Variants in FNIP1 observed in about 807,000 individuals in gnomAD.
FNIP1 encodes folliculin interacting protein 1.
Under a neutral mutation model 124.5 loss-of-function variants are expected in FNIP1, and 40 were observed. That is an observed-to-expected ratio of 0.32 (90% CI 0.25 to 0.42). The LOEUF (loss-of-function observed/expected upper bound fraction) is 0.42. Among genes scored for constraint, FNIP1 ranks in the 10% least tolerant of loss-of-function variants. The pLI is 1.00. For synonymous variants in FNIP1, 472 were observed against 470.6 expected (o/e 1.00, Z -0.04); for missense variants, 1,176 against 1,403.7 (o/e 0.84, Z 2.59).
chr5:131,691,770 A>AGAAATAGATTAACTTGAT (rs1768488155), intron 11 of FNIP1, among the ~76,000 whole-genome samples: 1 of 152,216 alleles, frequency 6.6e-6, no homozygotes, highest in Non-Finnish European at 1.5e-5. Context: ...TCACATAAGG[A>AGAAATAGATTAACTTGAT]GAAATAGATT....
chr5:131,669,044 AAAAACT>A (rs1472263258), intron 15 of FNIP1, among the ~76,000 whole-genome samples: 2 of 152,236 alleles, frequency 1.3e-5, no homozygotes, highest in Admixed American at 1.3e-4. Flanking sequence ...GCAACCTTAT[AAAAACT>A]AAAAGGATTG....
intron 15 of FNIP1, among the ~76,000 whole-genome samples, chr5:131,653,177 G>A (rs938492856): frequency 6.6e-6 from 1 of 151,986 alleles, no homozygotes; most frequent in African/African-American, 2.4e-5. Flanking sequence ...TATGAATACA[G>A]CAGTTAAAAA....
At chr5:131,665,483 T>C (rs1450213835) in intron 15 of FNIP1, among the ~76,000 whole-genome samples, 2 of 151,792 alleles carry the variant, frequency 1.3e-5, no homozygotes, top group Non-Finnish European at 2.9e-5. Flanking sequence ...ATTATTTATA[T>C]ATTAAAAGGT....
At chr5:131,718,874 A>T in intron 5 of FNIP1, 112 bp downstream of exon 5, 1 of 815,804 alleles carries the variant, frequency 1.2e-6, no homozygotes, top group South Asian at 1.8e-5. Context: ...TTTTAAACTT[A>T]AGGAAAGACA....
At chr5:131,710,688 A>G in intron 6 of FNIP1, 27 bp from the exon 7 acceptor site, 1 of 1,603,364 alleles carries the variant, frequency 6.2e-7, no homozygotes, top group East Asian at 2.2e-5. Flanking sequence ...TAAAATACAC[A>G]TGAAAGAGGA....
intron 11 of FNIP1, among the ~76,000 whole-genome samples, chr5:131,681,634 A>G (rs1768083854): frequency 6.8e-6 from 1 of 147,508 alleles, no homozygotes; most frequent in Non-Finnish European, 1.5e-5. Flanking sequence ...TTATCCAAAA[A>G]TAAGAAAGCA....
At chr5:131,744,095 C>T (rs1770596802) in intron 2 of FNIP1, among the ~76,000 whole-genome samples, 1 of 151,328 alleles carries the variant, frequency 6.6e-6, no homozygotes, top group Non-Finnish European at 1.5e-5. Context: ...AAGAGAAAAG[C>T]TGAACAAACA....
At chr5:131,733,431 T>C (rs573762419) in intron 2 of FNIP1, among the ~76,000 whole-genome samples, 72 of 152,302 alleles carry the variant, frequency 4.7e-4, no homozygotes, top group Middle Eastern at 3.4e-3. Context: ...ATGCTTCCAG[T>C]TTTTGTCCAT....
chr5:131,736,398 C>T (rs561608209), intron 2 of FNIP1, among the ~76,000 whole-genome samples: 3 of 152,184 alleles, frequency 2.0e-5, no homozygotes, highest in Non-Finnish European at 4.4e-5. Flanking sequence ...TACTTATAGA[C>T]AAAACCCAGT....
At chr5:131,737,496 C>A (rs1458130055) in intron 2 of FNIP1, among the ~76,000 whole-genome samples, 1 of 152,136 alleles carries the variant, frequency 6.6e-6, no homozygotes, top group East Asian at 1.9e-4. Flanking sequence ...TCAAGTGCTT[C>A]CTCTTTCACC....
intron 5 of FNIP1, 73 bp from the exon 6 acceptor site, chr5:131,716,729 T>A: frequency 2.2e-6 from 2 of 896,954 alleles, no homozygotes; most frequent in Non-Finnish European, 3.3e-6. Context: ...TACATCCTGA[T>A]GAAATTTTAA....
chr5:131,706,953 G>A (rs1332159233), intron 8 of FNIP1, among the ~76,000 whole-genome samples: 1 of 152,216 alleles, frequency 6.6e-6, no homozygotes, highest in Non-Finnish European at 1.5e-5. Context: ...TTGAAAATAA[G>A]TGTCTGAATG....
chr5:131,779,994 G>A (rs1342999134), intron 1 of FNIP1, among the ~76,000 whole-genome samples: 2 of 151,068 alleles, frequency 1.3e-5, no homozygotes, highest in Admixed American at 6.6e-5. Flanking sequence ...GAGCCCAGCA[G>A]TTTTGAGACC....
chr5:131,719,528 T>C, intron 3 of FNIP1, 111 bp from the exon 4 acceptor site: 2 of 947,442 alleles, frequency 2.1e-6, no homozygotes. Context: ...TTAAGAGTTG[T>C]ACTTCTACAC....
At chr5:131,699,848 T>C (rs1768832434) in intron 10 of FNIP1, among the ~76,000 whole-genome samples, 3 of 133,008 alleles carry the variant, frequency 2.3e-5, no homozygotes, top group East Asian at 4.6e-4. Context: ...CCCAGAAGTC[T>C]GAAGTTGCAG....
At chr5:131,788,212 G>A (rs1004990831) in intron 1 of FNIP1, among the ~76,000 whole-genome samples, 2 of 152,128 alleles carry the variant, frequency 1.3e-5, no homozygotes, top group African/African-American at 4.8e-5. Context: ...TTTTCAACTT[G>A]GTAGACTAAG....
intron 15 of FNIP1, among the ~76,000 whole-genome samples, chr5:131,665,899 C>A (rs42408): frequency 1.6e-5 from 2 of 122,966 alleles, no homozygotes; most frequent in Non-Finnish European, 3.1e-5. Context: ...TAAAATAATA[C>A]TTTTTTTTTT....
At chr5:131,693,884 GA>G (rs1247023349) in intron 11 of FNIP1, among the ~76,000 whole-genome samples, 1 of 150,718 alleles carries the variant, frequency 6.6e-6, no homozygotes, top group Non-Finnish European at 1.5e-5. Flanking sequence ...TCAACAATAA[GA>G]AAAAAAAGCC....
At chr5:131,680,212 T>C (rs1768037838) in intron 11 of FNIP1, among the ~76,000 whole-genome samples, 1 of 152,220 alleles carries the variant, frequency 6.6e-6, no homozygotes, top group South Asian at 2.1e-4. Flanking sequence ...GAAAGTTCTC[T>C]GAGATTTCCA....
Sources: allele counts gnomAD v4.1 joint callset (sites outside exome capture counted in the v4.1 genomes callset), GRCh38; gene constraint gnomAD v4.1.1; transcripts MANE v1.5; gene names NCBI Gene and HGNC (gene_info 2026-07-23, HGNC 2026-07-21).